Variants in TYMS observed in about 807,000 individuals in gnomAD.
The protein encoded by TYMS is thymidylate synthase.
In TYMS, 21 loss-of-function variants were observed where a neutral mutation model predicts 39.3. That is an observed-to-expected ratio of 0.54 (90% CI 0.38 to 0.77). The LOEUF is 0.77. TYMS is among the 30% of genes least tolerant of loss of function. The probability of loss-of-function intolerance (pLI) is 0.00; values close to 1 mark genes in which losing one functional copy is unlikely to be tolerated. For missense variants in TYMS, 273 were observed against 406.7 expected (o/e 0.67, Z 2.83); for synonymous variants, 171 against 162.2 (o/e 1.05, Z -0.41).
At chr18:670,577 C>T in intron 4 of TYMS, 115 bp from the exon 5 acceptor site, 1 of 1,144,118 alleles carries the variant, frequency 8.7e-7, no homozygotes, top group South Asian at 1.5e-5. Flanking sequence ...CAGTGGCTCT[C>T]TCTCCTGGTC....
In TYMS at chr18:657,778, C is replaced by T. The variant is rs752601065; in HGVS notation, c.36C>T (p.Pro12=). The part of the protein sequence containing the change: ...PVAGSELPRR[P]LPPAAQERDA... ...CCGGCTCGGAGCTGCCGCGCCGGCC[C>T]TTGCCCCCCGCCGCACAGGAGCGGG... Residue 12 remains proline, a synonymous_variant, in exon 1 of 7, where the codon CCC becomes CCT. Coordinates refer to ENST00000323274, the MANE Select transcript of TYMS (RefSeq NM_001071.4). The T allele has an allele frequency of 3.5e-6, 5 of 1,448,634 alleles. No individual in the cohort carries two copies. Among genetic ancestry groups the T allele is most frequent in the Non-Finnish European group, 1.8e-6 (2 of 1,108,028 alleles). 89.7% of individuals were successfully genotyped at this position (1,448,634 alleles called of 1,614,324 possible).
intron 3 of TYMS, among the ~76,000 whole-genome samples, 155 bp from the exon 4 acceptor site, chr18:668,917 A>T (rs1264448942): frequency 6.6e-6 from 1 of 152,188 alleles, no homozygotes; most frequent in African/African-American, 2.4e-5. Flanking sequence ...CAACCCACCG[A>T]GATCTGCAAA....
rs1446704697 is a variant in TYMS, at chr18:667,507, ATGGTGATGGTGATGGT to A, written c.455-1564_455-1549del. 4.9e-4 allele frequency among the ~76,000 whole-genome samples: 30 copies of A among 61,482 alleles called. 3 individuals carry two copies. The highest frequency in any genetic ancestry group is 6.9e-4 in the African/African-American group (6 of 8,676). 40.3% of individuals were successfully genotyped at this position (61,482 alleles called of 152,430 possible). A position where few individuals can be genotyped will look rare whatever the true frequency, so the allele number is the denominator to read the frequency against. On this transcript the variant is annotated intron_variant, in intron 3 of 6. Coordinates refer to ENST00000323274, the MANE Select transcript of TYMS (RefSeq NM_001071.4). ...GATGGTGATGGTGATGGAGATGGTG[ATGGTGATGGTGATGGT>A]GATGGAGATGGTGATGGTGATGGTG...
chr18:672,590 G>A (rs75235880), intron 6 of TYMS: 2,873 of 277,210 alleles, frequency 0.01, 36 homozygotes, highest in Non-Finnish European at 0.012. Flanking sequence ...AATTTGCCAA[G>A]AGTGGTTATA....
chr18:662,956 A>T (rs1316774857), intron 3 of TYMS, among the ~76,000 whole-genome samples: 2 of 147,172 alleles, frequency 1.4e-5, no homozygotes. Context: ...GCTATTGTGA[A>T]TAGTGCCACA....
rs1598464332 is a variant in TYMS, at chr18:662,067, A to T, written c.280-79A>T. On this transcript the variant is annotated intron_variant, in intron 2 of 6. Transcript: ENST00000323274. ...GTCAGCAGGGGCCAGAGGCCCTTGTAAGTGGTGTCTCGGGGGGATCAACTG... is the reference window on the plus strand; with the variant it reads ...GTCAGCAGGGGCCAGAGGCCCTTGTTAGTGGTGTCTCGGGGGGATCAACTG... 1.3e-5 allele frequency: 19 copies of T among 1,444,550 alleles called. No homozygotes were observed. In the East Asian group the frequency reaches 3.5e-4, roughly 27 times the overall value. 89.5% of individuals were successfully genotyped at this position (1,444,550 alleles called of 1,614,324 possible).
At chr18:667,197 T>C (rs368759771) in intron 3 of TYMS, among the ~76,000 whole-genome samples, 1 of 59,184 alleles carries the variant, frequency 1.7e-5, no homozygotes. Context: ...ATGGAGATGG[T>C]GATGGTGATG....
At chr18:667,579 ATGGTGATGGTGATGGTGATGGTGATGGT>A (rs2074880790) in intron 3 of TYMS, 1 of 94,404 alleles carries the variant, frequency 1.1e-5, no homozygotes, top group Admixed American at 9.7e-5. Context: ...GGAGATGGTG[ATGGTGATGGTGATGGTGATGGTGATGGT>A]GATGGAGATG....
chr18:672,617 G>C lies in TYMS; in HGVS notation c.805-243G>C, dbSNP rs557336009. On this transcript the variant is annotated intron_variant, in intron 6 of 6. Coordinates refer to ENST00000323274, the MANE Select transcript of TYMS (RefSeq NM_001071.4). ...GTGGTTATAAGAACTTACACCTGAT[G>C]AGGCACCAGGCTCCTGATGCTGTGT... 4.4e-5 allele frequency: 15 copies of C among 339,064 alleles called. 1 individual carries two copies. The East Asian group carries it at 6.0e-4, about 14-fold the overall frequency. The allele number at this position is 339,064 out of a possible 1,614,324, so 21.0% of individuals were successfully genotyped here.
At chr18:667,989 GGAA>G (rs2074889547) in intron 3 of TYMS, among the ~76,000 whole-genome samples, 1 of 88,234 alleles carries the variant, frequency 1.1e-5, no homozygotes, top group African/African-American at 6.6e-5. Context: ...CAGATTCACA[GGAA>G]TTTTTTTTTT....
intron 3 of TYMS, among the ~76,000 whole-genome samples, chr18:662,623 G>C (rs2853541): frequency 0.55 from 82,690 of 150,290 alleles, 24,301 homozygotes; most frequent in African/African-American, 0.78. Flanking sequence ...ACTAACTCAT[G>C]ATCTAGCATC....
Position 658,904 on chromosome 18 carries a change from G to C in TYMS, c.206-737G>C, listed in dbSNP as rs1160293163. Reference sequence around the variant, plus strand: ...CCTCCGGCCCACGGACCCATCTAGAGACGAATACATAGCAGCTGCTGTGGC... The same window carrying C: ...CCTCCGGCCCACGGACCCATCTAGACACGAATACATAGCAGCTGCTGTGGC... On this transcript the variant is annotated intron_variant, in intron 1 of 6. Transcript: ENST00000323274. This position sits in a 1 kb window ranked among gnomAD's most constrained non-coding sequence, Gnocchi z 4.5. Among the ~76,000 whole-genome samples the C allele has an allele frequency of 1.3e-5, 2 of 152,210 alleles. No homozygotes were observed. The highest frequency in any genetic ancestry group is 3.9e-4 in the East Asian group (2 of 5,178).
chr18:667,992 A>ATTTTTTTTTTTTTTTTTTTTTTTT (rs60409589), intron 3 of TYMS, among the ~76,000 whole-genome samples: 2 of 105,388 alleles, frequency 1.9e-5, no homozygotes, highest in African/African-American at 4.6e-5. Context: ...ATTCACAGGA[A>ATTTTTTTTTTTTTTTTTTTTTTTT]TTTTTTTTTT....
chr18:667,463 AGATGGTGATGGT>A (rs1247233263), intron 3 of TYMS, among the ~76,000 whole-genome samples: 1 of 3,528 alleles, frequency 2.8e-4, no homozygotes, highest in Non-Finnish European at 4.9e-4. Flanking sequence ...GTGATGATGG[AGATGGTGATGGT>A]GATGGTGATG....
rs773564286 is a variant in TYMS at position 662,226 on chromosome 18, C to T, written c.360C>T (p.Ser120=). The T allele has an allele frequency of 3.1e-6, 5 of 1,613,940 alleles. No individual in the cohort carries two copies. Among genetic ancestry groups the T allele is most frequent in the Admixed American group, 3.3e-5 (2 of 59,976 alleles). Residue 120 remains serine (S), a synonymous_variant, in exon 3 of 7, where the codon AGC becomes AGT. Coordinates refer to ENST00000323274, the MANE Select transcript of TYMS (RefSeq NM_001071.4). ...ATGGATCCCGAGACTTTTTGGACAG[C>T]CTGGGATTCTCCACCAGAGAAGAAG... ...DANGSRDFLD[S]LGFSTREEGD...
At position 667,334 on chromosome 18, in the gene TYMS, A is replaced by AGATGGTGATGGAGATGGT. The variant is rs1598469460; in HGVS notation, c.455-1708_455-1691dup. Among the ~76,000 whole-genome samples, 3 of 13,142 alleles carry AGATGGTGATGGAGATGGT rather than the reference A, an allele frequency of 2.3e-4. 1 individual carries two copies. Among genetic ancestry groups the AGATGGTGATGGAGATGGT allele is most frequent in the Non-Finnish European group, 3.6e-4 (3 of 8,382 alleles). The allele number at this position is 13,142 out of a possible 152,430, so 8.6% of individuals were successfully genotyped here. A position where few individuals can be genotyped will look rare whatever the true frequency, so the allele number is the denominator to read the frequency against. On this transcript the variant is annotated intron_variant, in intron 3 of 6. Transcript: ENST00000323274. ...GTGATGGAGATGGTGATGGTGATGG[A>AGATGGTGATGGAGATGGT]GATGGTGATGGAGATGGTGATGGTG...
In TYMS at chr18:658,133, T is replaced by G; in HGVS notation, c.205+186T>G. Reference sequence around the variant, plus strand: ...CGGAGGGTCCCATTAGGGACGTGACTGGCGCGGGCAACACACACAGCAGCG... The same window carrying G: ...CGGAGGGTCCCATTAGGGACGTGACGGGCGCGGGCAACACACACAGCAGCG... On this transcript the variant is annotated intron_variant, in intron 1 of 6. Coordinates refer to ENST00000323274, the MANE Select transcript of TYMS (RefSeq NM_001071.4). This position sits in a 1 kb window ranked among gnomAD's most constrained non-coding sequence, Gnocchi z 4.5. 6.3e-7 allele frequency: 1 copy of G among 1,585,458 alleles called. No individual in the cohort carries two copies. The highest frequency in any genetic ancestry group is 8.6e-7 in the Non-Finnish European group (1 of 1,169,196).
At position 660,383 on chromosome 18, in the gene TYMS, A is replaced by G. The variant is rs1004474; in HGVS notation, c.279+669A>G. Among the ~76,000 whole-genome samples the G allele has an allele frequency of 0.51, 76,810 of 152,062 alleles. 20,193 individuals are homozygous for G. The highest frequency in any genetic ancestry group is 0.67 in the African/African-American group (27,772 of 41,484). On this transcript the variant is annotated intron_variant, in intron 2 of 6. Transcript: ENST00000323274. This position sits in a 1 kb window ranked among gnomAD's most constrained non-coding sequence, Gnocchi z 4.6. ...CCCCCAACCTCCTTGGTGTTTCTCC[A>G]TAGACGAACATCACCATCTGATGTA...
Position 667,011 on chromosome 18 carries a change from T to C in TYMS, c.455-2061T>C, listed in dbSNP as rs1297028091. On this transcript the variant is annotated intron_variant, in intron 3 of 6. Transcript: ENST00000323274. ...GTGATGGTGATGGAGATGGTGATGG[T>C]GATGGAGATGGAGATGGTGATGGAG... Among the ~76,000 whole-genome samples, 14 of 5,898 alleles carry C rather than the reference T, an allele frequency of 2.4e-3. 1 individual carries two copies. Among genetic ancestry groups the C allele is most frequent in the African/African-American group, 9.7e-3 (14 of 1,440 alleles). The allele number at this position is 5,898 out of a possible 152,430, so 3.9% of individuals were successfully genotyped here. A position where few individuals can be genotyped will look rare whatever the true frequency, so the allele number is the denominator to read the frequency against.
Sources: allele counts gnomAD v4.1 joint callset (sites outside exome capture counted in the v4.1 genomes callset), GRCh38; gene constraint gnomAD v4.1.1; non-coding constraint Gnocchi (gnomAD v3.1); transcripts MANE v1.5; gene names NCBI Gene and HGNC (gene_info 2026-07-23, HGNC 2026-07-21).